The following AGAP1 variants were observed in gnomAD, a reference collection of about 807,000 sequenced individuals.
AGAP1 encodes arf-GAP with GTPase, ANK repeat and PH domain-containing protein 1.
In AGAP1, 29 loss-of-function variants were observed where a neutral mutation model predicts 105.3. That is an observed-to-expected ratio of 0.28 (90% CI 0.21 to 0.38). The LOEUF (loss-of-function observed/expected upper bound fraction) is 0.38, where lower values mean the gene tolerates loss of function less well. Among genes scored for constraint, AGAP1 ranks in the 10% least tolerant of loss-of-function variants. The pLI, the probability that AGAP1 is intolerant of heterozygous loss-of-function variation, is 1.00. For synonymous variants in AGAP1, 509 were observed against 485.9 expected (o/e 1.05, Z -0.63); for missense variants, 998 against 1,165.1 (o/e 0.86, Z 2.09).
chr2:235,607,608 G>A (rs1945988920), intron 1 of AGAP1, among the ~76,000 whole-genome samples: 1 of 152,184 alleles, frequency 6.6e-6, no homozygotes, highest in African/African-American at 2.4e-5. Flanking sequence ...TCACCTGAAG[G>A]GGCTGGATCC....
intron 1 of AGAP1, among the ~76,000 whole-genome samples, chr2:235,524,851 C>T (rs963737598): frequency 1.3e-5 from 2 of 152,100 alleles, no homozygotes; most frequent in Non-Finnish European, 2.9e-5. Flanking sequence ...TCTTCTTGGG[C>T]CGATTGTTGG....
chr2:235,651,476 T>C (rs1421974805), intron 1 of AGAP1, among the ~76,000 whole-genome samples: 1 of 152,156 alleles, frequency 6.6e-6, no homozygotes, highest in East Asian at 1.9e-4. Context: ...CCCATACAAA[T>C]AGATTGGAAA....
intron 1 of AGAP1, among the ~76,000 whole-genome samples, chr2:235,562,571 C>T (rs1209082576): frequency 1.3e-5 from 2 of 152,060 alleles, no homozygotes; most frequent in Non-Finnish European, 2.9e-5. Context: ...TTTCTGGTGG[C>T]CTGGCAGACT....
intron 15 of AGAP1, among the ~76,000 whole-genome samples, chr2:236,041,333 GT>G (rs994434607): frequency 1.3e-5 from 2 of 148,556 alleles, no homozygotes; most frequent in Admixed American, 6.7e-5. Context: ...CTTGGGTATT[GT>G]TTTTTTAAAT....
At chr2:236,099,380 A>G (rs531354064) in intron 16 of AGAP1, among the ~76,000 whole-genome samples, 14 of 150,864 alleles carry the variant, frequency 9.3e-5, no homozygotes, top group East Asian at 2.0e-4. Flanking sequence ...GCATGAACCC[A>G]GGAGGAGGAG....
chr2:235,924,878 T>C (rs1187991310), intron 11 of AGAP1, among the ~76,000 whole-genome samples: 1 of 152,162 alleles, frequency 6.6e-6, no homozygotes, highest in Non-Finnish European at 1.5e-5. Flanking sequence ...GTTGTACCAG[T>C]CTGTTTACTC....
intron 9 of AGAP1, among the ~76,000 whole-genome samples, chr2:235,857,406 G>T (rs1364685985): frequency 2.6e-5 from 4 of 152,112 alleles, no homozygotes. Flanking sequence ...GTTGGGGGCC[G>T]CTGTCGTAGA....
chr2:236,032,735 A>G (rs1483242509), intron 13 of AGAP1, among the ~76,000 whole-genome samples: 1 of 152,152 alleles, frequency 6.6e-6, no homozygotes, highest in Non-Finnish European at 1.5e-5. Flanking sequence ...GGTCTGTAGA[A>G]GGGGGACATG....
rs534309953 is a variant in AGAP1 at position 236,105,476 on chromosome 2, C to T, written c.2115-14716C>T. Among the ~76,000 whole-genome samples, 2 of 151,436 alleles carry T rather than the reference C, an allele frequency of 1.3e-5. No homozygotes were observed. The highest frequency in any genetic ancestry group is 2.4e-5 in the African/African-American group (1 of 41,236). On this transcript the variant is annotated intron_variant, in intron 16 of 17. Transcript: ENST00000304032. The surrounding 1 kb of genome is among the most constrained non-coding windows in gnomAD (Gnocchi z 4.2). ...CTGATTCATTTCTGGTGAGGGGCCT[C>T]TTCCTGGCTTATAGACAGATGCCTC...
intron 5 of AGAP1, among the ~76,000 whole-genome samples, chr2:235,748,002 A>G (rs994800811): frequency 6.6e-6 from 1 of 152,260 alleles, no homozygotes; most frequent in Non-Finnish European, 1.5e-5. Flanking sequence ...GACTGCACGA[A>G]TGTTCATAAT....
At position 235,733,081 on chromosome 2, in the gene AGAP1, C is replaced by A. The variant is rs999349935; in HGVS notation, c.311-7882C>A. Among the ~76,000 whole-genome samples, 40 of 152,198 alleles carry A rather than the reference C, an allele frequency of 2.6e-4. No homozygotes were observed. The highest frequency in any genetic ancestry group is 5.0e-4 in the Non-Finnish European group (34 of 68,048). On this transcript the variant is annotated intron_variant, in intron 3 of 17. Coordinates refer to ENST00000304032, the MANE Select transcript of AGAP1 (RefSeq NM_001037131.3). The surrounding 1 kb of genome is among the most constrained non-coding windows in gnomAD (Gnocchi z 5.0). ...GAAAGAGTCTGCCCTTCTTTAGGGACCAGGGCTCTGCTCTTCCTGGGAATT... is the reference window on the plus strand; with the variant it reads ...GAAAGAGTCTGCCCTTCTTTAGGGAACAGGGCTCTGCTCTTCCTGGGAATT...
In AGAP1 at chr2:235,723,194, A is replaced by C. The variant is rs2149573799; in HGVS notation, c.310+5550A>C. ...CCGTTCACTTCCTATAAAGAGAATG[A>C]GATGAAAATTAGTTATTTGCCAATT... On this transcript the variant is annotated intron_variant, in intron 3 of 17. Coordinates refer to ENST00000304032, the MANE Select transcript of AGAP1 (RefSeq NM_001037131.3). The surrounding 1 kb of genome is among the most constrained non-coding windows in gnomAD (Gnocchi z 6.2). Among the ~76,000 whole-genome samples, 1 of 152,302 alleles carries C rather than the reference A, an allele frequency of 6.6e-6. No homozygotes were observed. Among genetic ancestry groups the C allele is most frequent in the South Asian group, 2.1e-4 (1 of 4,832 alleles).
chr2:236,118,842 T>C (rs1444333630), intron 16 of AGAP1, among the ~76,000 whole-genome samples: 1 of 152,162 alleles, frequency 6.6e-6, no homozygotes, highest in African/African-American at 2.4e-5. Context: ...TACCTTTTTT[T>C]TTCCCCTCTA....
At chr2:235,518,853 G>A (rs996583380) in intron 1 of AGAP1, among the ~76,000 whole-genome samples, 4 of 152,138 alleles carry the variant, frequency 2.6e-5, no homozygotes, top group Non-Finnish European at 2.9e-5. Flanking sequence ...GGCTTGCCTC[G>A]CGGGTGCACT....
At chr2:235,695,410 TGTC>T (rs1172017772) in intron 1 of AGAP1, among the ~76,000 whole-genome samples, 1 of 152,228 alleles carries the variant, frequency 6.6e-6, no homozygotes, top group East Asian at 1.9e-4. Context: ...TAGCTGCTGT[TGTC>T]AGATCAGTTG....
chr2:235,738,826 G>A (rs1952407490), intron 3 of AGAP1, among the ~76,000 whole-genome samples: 1 of 152,072 alleles, frequency 6.6e-6, no homozygotes, highest in South Asian at 2.1e-4. Context: ...CCAAAGTGTT[G>A]GGATTACAGG....
chr2:235,624,027 T>C (rs754636466), intron 1 of AGAP1, among the ~76,000 whole-genome samples: 3 of 152,214 alleles, frequency 2.0e-5, no homozygotes, highest in Non-Finnish European at 4.4e-5. Flanking sequence ...GCCAACCTGC[T>C]CCCAGGCTGA....
At chr2:236,063,991 G>A (rs3768945) in intron 16 of AGAP1, among the ~76,000 whole-genome samples, 36,455 of 152,006 alleles carry the variant, frequency 0.24, 4,653 homozygotes, top group South Asian at 0.35. Flanking sequence ...ACATAATCAT[G>A]ATGACTTACC....
chr2:235,735,885 T>C (rs1291574833), intron 3 of AGAP1, among the ~76,000 whole-genome samples: 2 of 152,024 alleles, frequency 1.3e-5, no homozygotes, highest in Non-Finnish European at 2.9e-5. Context: ...GACAAGAAGA[T>C]GGGACCGCTG....
Sources: gnomAD v4.1 joint callset for allele counts (sites outside exome capture counted in the v4.1 genomes callset) on GRCh38, gnomAD v4.1.1 for gene constraint, Gnocchi (gnomAD v3.1) non-coding constraint, MANE v1.5 for transcripts, NCBI Gene and HGNC (gene_info 2026-07-23, HGNC 2026-07-21) for gene names.